Variants in SPTLC2 observed in about 807,000 individuals in gnomAD.
SPTLC2 encodes serine palmitoyltransferase long chain base subunit 2.
In SPTLC2, 21 loss-of-function variants were observed where a neutral mutation model predicts 62.0. The ratio of observed to expected loss-of-function variants is 0.34; its 90% CI spans 0.24 to 0.49. SPTLC2 has a LOEUF of 0.49. Ranked by LOEUF, SPTLC2 falls within the 20% of genes least tolerant of loss-of-function variation. SPTLC2 has a pLI of 0.99. For synonymous variants in SPTLC2, 261 were observed against 261.8 expected (o/e 1.00, Z 0.03); for missense variants, 511 against 713.0 (o/e 0.72, Z 3.23).
chr14:77,606,064 G>A lies in SPTLC2; in HGVS notation c.133-8684C>T, dbSNP rs111873738. Among the ~76,000 whole-genome samples, 328 of 152,362 alleles carry A rather than the reference G, an allele frequency of 2.2e-3. 3 individuals carry two copies. Among genetic ancestry groups the A allele is most frequent in the African/African-American group, 7.3e-3 (305 of 41,588 alleles). ...AAAACTTCTGCTGCCTGGCGCAGTG[G>A]CTCACGTCTGTAGTTCCAGCATTTT... On this transcript the variant is annotated intron_variant, in intron 1 of 11. Transcript: ENST00000216484.
chr14:77,514,563 C>T (rs780072055), intron 11 of SPTLC2, among the ~76,000 whole-genome samples: 14 of 152,120 alleles, frequency 9.2e-5, no homozygotes, highest in Non-Finnish European at 1.9e-4. Flanking sequence ...GCTGAGTAAC[C>T]GAATCCTCTA....
chr14:77,560,782 C>A (rs1566780318), intron 6 of SPTLC2, among the ~76,000 whole-genome samples: 1 of 151,962 alleles, frequency 6.6e-6, no homozygotes, highest in African/African-American at 2.4e-5. Flanking sequence ...ACCACATATT[C>A]TCACTTGTAA....
intron 9 of SPTLC2, among the ~76,000 whole-genome samples, chr14:77,524,287 A>G (rs1005203317): frequency 6.6e-6 from 1 of 152,190 alleles, no homozygotes; most frequent in African/African-American, 2.4e-5. Flanking sequence ...GCAAAGGGGC[A>G]GAAGGGAACT....
At chr14:77,533,115 T>G (rs927639524) in intron 9 of SPTLC2, among the ~76,000 whole-genome samples, 1 of 151,984 alleles carries the variant, frequency 6.6e-6, no homozygotes, top group Admixed American at 6.6e-5. Flanking sequence ...TTGACCAACA[T>G]GGTGAAACCC....
intron 2 of SPTLC2, 136 bp downstream of exon 2, chr14:77,597,050 G>T: frequency 1.2e-6 from 1 of 825,250 alleles, no homozygotes; most frequent in Non-Finnish European, 1.9e-6. Context: ...TTTGTAGAAT[G>T]TTTTCATTTA....
At chr14:77,536,044 G>C (rs1262335217) in intron 9 of SPTLC2, 1 of 428,646 alleles carries the variant, frequency 2.3e-6, no homozygotes, top group African/African-American at 2.1e-5. Flanking sequence ...TGGTTTGAGG[G>C]GAAACCAGCA....
intron 11 of SPTLC2, among the ~76,000 whole-genome samples, chr14:77,517,272 C>CT: frequency 6.6e-6 from 1 of 152,234 alleles, no homozygotes; most frequent in East Asian, 1.9e-4. Context: ...TAGTAGCTCT[C>CT]TAACTCATTA....
In SPTLC2 at chr14:77,552,199, T is replaced by C; in HGVS notation, c.1200A>G (p.Thr400=). Residue 400 remains threonine (T), a synonymous_variant, in exon 9 of 12, where the codon ACA becomes ACG. Transcript: ENST00000216484. ...GKKELIDYLR[T]HSHSAVYATS... is the part of the protein sequence containing the mutation. ...TGGCATACACTGCACTATGAGAATG[T>C]GTTCGCAGGTAGTCTATCAGCTCCT... 6.2e-7 allele frequency: 1 copy of C among 1,614,128 alleles called. No individual in the cohort carries two copies. Among genetic ancestry groups the C allele is most frequent in the Non-Finnish European group, 8.5e-7 (1 of 1,180,020 alleles).
chr14:77,580,459 C>G (rs909023933), intron 2 of SPTLC2, among the ~76,000 whole-genome samples: 12 of 124,830 alleles, frequency 9.6e-5, no homozygotes, highest in Non-Finnish European at 1.8e-4. Flanking sequence ...GCCTGGGCAA[C>G]AGAATGAGAC....
At chr14:77,580,263 T>C (rs895610802) in intron 2 of SPTLC2, among the ~76,000 whole-genome samples, 1 of 152,002 alleles carries the variant, frequency 6.6e-6, no homozygotes, top group Admixed American at 6.6e-5. Flanking sequence ...GGAAGATCAC[T>C]TGAAGTCTCA....
At chr14:77,557,473 T>C (rs924975167) in intron 6 of SPTLC2, among the ~76,000 whole-genome samples, 4 of 152,090 alleles carry the variant, frequency 2.6e-5, no homozygotes, top group African/African-American at 7.2e-5. Flanking sequence ...TATCGAAAAA[T>C]ACAGAATCAA....
At chr14:77,569,593 G>C (rs2079665782) in intron 5 of SPTLC2, among the ~76,000 whole-genome samples, 2 of 151,302 alleles carry the variant, frequency 1.3e-5, no homozygotes, top group Admixed American at 1.3e-4. Context: ...TCTCCTGCTT[G>C]AGTTAATCCA....
chr14:77,590,158 G>T (rs1031088847), intron 2 of SPTLC2, among the ~76,000 whole-genome samples: 2 of 151,982 alleles, frequency 1.3e-5, no homozygotes, highest in East Asian at 1.9e-4. Flanking sequence ...TAATTTTCTT[G>T]TTGAGACAGG....
Position 77,616,302 on chromosome 14 carries a change from C to T in SPTLC2, c.132+146G>A, listed in dbSNP as rs545321896. 4.9e-3 allele frequency: 1,896 copies of T among 385,870 alleles called. 7 individuals carry two copies. Among genetic ancestry groups the T allele is most frequent in the Admixed American group, 0.015 (295 of 19,820 alleles). 23.9% of individuals were successfully genotyped at this position (385,870 alleles called of 1,614,324 possible). ...GCCTCCAGGCTCGTGGAGGTCGGGCCAGCGGCCGGACACTGCCGCCCACAC... is the reference window on the plus strand; with the variant it reads ...GCCTCCAGGCTCGTGGAGGTCGGGCTAGCGGCCGGACACTGCCGCCCACAC... On this transcript the variant is annotated intron_variant, in intron 1 of 11. Transcript: ENST00000216484.
intron 9 of SPTLC2, among the ~76,000 whole-genome samples, chr14:77,547,324 C>T (rs187120292): frequency 3.7e-4 from 57 of 152,086 alleles, no homozygotes; most frequent in Admixed American, 1.4e-3. Context: ...ATTTTTATTT[C>T]GATGAATTTC....
rs1258728755 is a variant in SPTLC2 at position 77,616,497 on chromosome 14, C to T, written c.83G>A (p.Gly28Glu). 6.5e-7 allele frequency: 1 copy of T among 1,533,020 alleles called. No homozygotes were observed. Among genetic ancestry groups the T allele is most frequent in the East Asian group, 2.5e-5 (1 of 40,684 alleles). The allele number at this position is 1,533,020 out of a possible 1,614,324, so 95.0% of individuals were successfully genotyped here. The change falls in exon 1 of 12, where the codon GGG becomes GAG. Residue 28 changes from glycine (G) to glutamate (E), a missense_variant. Transcript: ENST00000216484. The stretch of plus-strand genomic sequence containing the variant: ...GGCTGCAGCGCTGCTCCTCACGTAC[C>T]CGTTCCGTACTTCCCCGTTCGCCAC... Reference protein sequence around the residue: ...GCVANGEVRNGYVRSSAAAAA... With the variant: ...GCVANGEVRNEYVRSSAAAAA...
intron 2 of SPTLC2, among the ~76,000 whole-genome samples, chr14:77,587,628 G>T (rs1052022846): frequency 2.0e-5 from 3 of 151,960 alleles, no homozygotes; most frequent in Non-Finnish European, 2.9e-5. Flanking sequence ...TTAACCGGGT[G>T]TGGTGGCAGG....
At position 77,540,791 on chromosome 14, in the gene SPTLC2, G is replaced by A. The variant is rs1425321368; in HGVS notation, c.1303+11305C>T. ...ACCCAGCACATTTTATTATTTTAAA[G>A]GTAGATCTCTCTCATTGCTAACATT... is the stretch of plus-strand genomic sequence containing the variant. On this transcript the variant is annotated intron_variant, in intron 9 of 11. Coordinates refer to ENST00000216484, the MANE Select transcript of SPTLC2 (RefSeq NM_004863.4). Among the ~76,000 whole-genome samples, 4 of 152,096 alleles carry A rather than the reference G, an allele frequency of 2.6e-5. No homozygotes were observed. The South Asian group carries it at 6.2e-4, about 24-fold the overall frequency.
chr14:77,560,556 A>C (rs2079609085), intron 6 of SPTLC2, among the ~76,000 whole-genome samples: 1 of 152,076 alleles, frequency 6.6e-6, no homozygotes. Context: ...TAGAGGTTGC[A>C]GTGAGCTGAG....
Sources: allele counts gnomAD v4.1 joint callset (sites outside exome capture counted in the v4.1 genomes callset), GRCh38; gene constraint gnomAD v4.1.1; transcripts MANE v1.5; gene names NCBI Gene and HGNC (gene_info 2026-07-23, HGNC 2026-07-21).